BDP1: variants seen among roughly 807,000 people sequenced by gnomAD.
BDP1 encodes transcription factor TFIIIB component B'' homolog.
In BDP1, 169 loss-of-function variants were observed where a neutral mutation model predicts 266.6. That is an observed-to-expected ratio of 0.63 (90% CI 0.56 to 0.72). BDP1 has a LOEUF of 0.72. BDP1 is among the 30% of genes least tolerant of loss of function. BDP1 has a pLI of 0.00. For missense variants in BDP1, 3,015 were observed against 3,053.8 expected (o/e 0.99, Z 0.30); for synonymous variants, 1,090 against 1,022.4 (o/e 1.07, Z -1.26).
intron 16 of BDP1, 87 bp from the exon 17 acceptor site, chr5:71,509,378 T>C: frequency 2.2e-6 from 3 of 1,364,772 alleles, no homozygotes; most frequent in South Asian, 4.0e-5. Context: ...GAGTTTCTGG[T>C]GTTTCTGTAG....
intron 38 of BDP1, chr5:71,562,976 A>G (rs1213708339): frequency 9.3e-7 from 1 of 1,071,762 alleles, no homozygotes; most frequent in Admixed American, 3.4e-5. Flanking sequence ...ATCTTGACAA[A>G]GAGAAGGCTG....
At chr5:71,572,931 T>C in the BDP1 span, among the ~76,000 whole-genome samples, 747 of 152,142 alleles carry the variant, frequency 4.9e-3, 8 homozygotes, top group African/African-American at 0.017. Flanking sequence ...CAGCTCCAGC[T>C]GAAAATAAAA....
At chr5:71,571,639 T>A (rs199942471), downstream of BDP1, among the ~76,000 whole-genome samples, 11 of 151,842 alleles carry the variant, frequency 7.2e-5, no homozygotes, top group African/African-American at 9.7e-5. Flanking sequence ...TAATTAATTA[T>A]TTATTTATTT....
At chr5:71,542,016 A>G (rs1355137911) in intron 29 of BDP1, 89 bp from the exon 30 acceptor site, 1 of 1,053,740 alleles carries the variant, frequency 9.5e-7, no homozygotes, top group Admixed American at 3.0e-5. Flanking sequence ...CTAACAGGTC[A>G]TTCACTCTAT....
rs1048968342 is a variant in BDP1, at chr5:71,529,387, C to G, written c.5773-2921C>G. Among the ~76,000 whole-genome samples, 5 of 151,108 alleles carry G rather than the reference C, an allele frequency of 3.3e-5. No homozygotes were observed. In the South Asian group the frequency reaches 1.0e-3, roughly 32 times the overall value. On this transcript the variant is annotated intron_variant, in intron 25 of 38. Transcript: ENST00000358731. ...CCTGGGCGAAAGAGCGAAGCTCTGT[C>G]TCAAAAAACAAAAGCATTGAAAGGC...
rs1762168083 is a variant in BDP1, at chr5:71,470,405, G to A, written c.930G>A (p.Met310Ile). 1 of 1,593,564 alleles carries A rather than the reference G, an allele frequency of 6.3e-7. No individual in the cohort carries two copies. Among genetic ancestry groups the A allele is most frequent in the African/African-American group, 1.3e-5 (1 of 74,232 alleles). The change falls in exon 7 of 39, where the codon ATG (methionine) becomes ATA (isoleucine). Residue 310 changes from methionine to isoleucine, a missense_variant. By Grantham distance (10) the Met-to-Ile change is conservative. This residue lies in a region of BDP1 where 2,383 missense variants were observed against 2,404.9 expected (regional missense o/e 0.99). Coordinates refer to ENST00000358731, the MANE Select transcript of BDP1 (RefSeq NM_018429.3). Reference protein sequence around the residue: ...SKPWSNKETDMFFLAISMVGT... With the variant: ...SKPWSNKETDIFFLAISMVGT... ...CTTTTATTTTCACAGAAACAGATAT[G>A]TTTTTTTTAGCCATCAGCATGGTAG... is the stretch of plus-strand genomic sequence containing the variant.
chr5:71,544,477 G>A lies in BDP1; in HGVS notation c.6533G>A (p.Ser2178Asn). ...TGTGTACATGGTATCAAAGGGACCAGTATTTCTTCAGAAGTAAACCTAACT... is the reference window on the plus strand; with the variant it reads ...TGTGTACATGGTATCAAAGGGACCAATATTTCTTCAGAAGTAAACCTAACT... ...LACVHGIKGT[S>N]ISSEVNLTER... Residue 2178 changes from serine (S) to asparagine (N), a missense_variant, in exon 31 of 39, where the codon AGT (serine) becomes AAT (asparagine). Physicochemically the swap from Ser to Asn is conservative, Grantham distance 46 (BLOSUM62 1). Around this residue, in one of 3 missense-constraint regions of BDP1, gnomAD observed 629 missense variants for 632.5 expected, o/e 0.99. Coordinates refer to ENST00000358731, the MANE Select transcript of BDP1 (RefSeq NM_018429.3). 3 of 1,613,410 alleles carry A rather than the reference G, an allele frequency of 1.9e-6. No homozygotes were observed. The highest frequency in any genetic ancestry group is 2.5e-6 in the Non-Finnish European group (3 of 1,179,718).
intron 15 of BDP1, among the ~76,000 whole-genome samples, chr5:71,503,983 A>G (rs1764415194): frequency 6.6e-6 from 1 of 151,688 alleles, no homozygotes; most frequent in South Asian, 2.1e-4. Context: ...TTAAAAAAAA[A>G]AAATTCTGAC....
chr5:71,571,869 G>A (rs1744272669), downstream of BDP1, among the ~76,000 whole-genome samples: 1 of 152,134 alleles, frequency 6.6e-6, no homozygotes, highest in Non-Finnish European at 1.5e-5. Context: ...AGGTCCACCT[G>A]CCTCACCCTC....
At chr5:71,476,735 G>A (rs574810308) in intron 7 of BDP1, among the ~76,000 whole-genome samples, 32 of 152,038 alleles carry the variant, frequency 2.1e-4, no homozygotes, top group Admixed American at 1.8e-3. Flanking sequence ...ATGGAGTCTC[G>A]CTCTGTCACC....
At position 71,510,960 on chromosome 5, in the gene BDP1, T is replaced by C. The variant is rs1468654872; in HGVS notation, c.3868T>C (p.Phe1290Leu). 6.2e-7 allele frequency: 1 copy of C among 1,613,944 alleles called. No homozygotes were observed. The highest frequency in any genetic ancestry group is 1.7e-5 in the Admixed American group (1 of 59,986). The change falls in exon 17 of 39, where the codon TTT (phenylalanine) becomes CTT (leucine). Residue 1290 changes from phenylalanine (F) to leucine (L), a missense_variant. This residue lies in a region of BDP1 where 2,383 missense variants were observed against 2,404.9 expected (regional missense o/e 0.99). Transcript: ENST00000358731. ...TTTGAAAGAAACTGGAAAAGAAAATTTTAGAGAGAGAGGATCTGAAGAGAT... is the reference window on the plus strand; with the variant it reads ...TTTGAAAGAAACTGGAAAAGAAAATCTTAGAGAGAGAGGATCTGAAGAGAT... ...ADLKETGKEN[F>L]RERGSEEICV...
Position 71,512,231 on chromosome 5 carries a change from G to C in BDP1, c.4060-10G>C. 1 of 1,394,798 alleles carries C rather than the reference G, an allele frequency of 7.2e-7. No individual in the cohort carries two copies. Among genetic ancestry groups the C allele is most frequent in the Non-Finnish European group, 9.4e-7 (1 of 1,058,934 alleles). 86.4% of individuals were successfully genotyped at this position (1,394,798 alleles called of 1,614,324 possible). A position where few individuals can be genotyped will look rare whatever the true frequency, so the allele number is the denominator to read the frequency against. ...TTATTTGTGCTGATTTACTATGACT[G>C]TTCCTCTAGAACATTAGCAGTGAAG... On this transcript the variant is annotated splice_polypyrimidine_tract_variant and intron_variant, in intron 17 of 38. Transcript: ENST00000358731.
At chr5:71,569,192 T>C (rs1171227992), downstream of BDP1, among the ~76,000 whole-genome samples, 1 of 152,218 alleles carries the variant, frequency 6.6e-6, no homozygotes, top group Non-Finnish European at 1.5e-5. Context: ...GTATCCCTTA[T>C]TGTTAAATCA....
chr5:71,524,110 C>T lies in BDP1; in HGVS notation c.5559C>T (p.Thr1853=). Residue 1853 remains threonine (T), a synonymous_variant, in exon 25 of 39, where the codon ACC becomes ACT. Transcript: ENST00000358731. ...GRGSKRVRGK[T]SKKEPRASKA... is the part of the protein sequence containing the mutation. ...GATCAAAACGAGTTCGGGGTAAGAC[C>T]TCTAAGAAGGAACCTAGAGCTTCCA... 2.5e-6 allele frequency: 4 copies of T among 1,614,168 alleles called. No homozygotes were observed. The highest frequency in any genetic ancestry group is 2.5e-6 in the Non-Finnish European group (3 of 1,180,040).
At chr5:71,562,925 C>T (rs974761776) in intron 38 of BDP1, 8 of 1,255,514 alleles carry the variant, frequency 6.4e-6, no homozygotes, top group Admixed American at 2.7e-5. Flanking sequence ...ACTCTGTAAA[C>T]CTGTATCAAA....
At chr5:71,469,587 A>G (rs1762110818) in intron 6 of BDP1, among the ~76,000 whole-genome samples, 1 of 152,082 alleles carries the variant, frequency 6.6e-6, no homozygotes, top group East Asian at 1.9e-4. Context: ...TGTTTTAAAA[A>G]AAAAATTCCA....
At chr5:71,568,227 G>A (rs1404249828), downstream of BDP1, among the ~76,000 whole-genome samples, 1 of 152,130 alleles carries the variant, frequency 6.6e-6, no homozygotes, top group African/African-American at 2.4e-5. Context: ...TGTCCTAATA[G>A]TATTTGGAAG....
At chr5:71,537,416 C>T (rs1017320132) in intron 26 of BDP1, among the ~76,000 whole-genome samples, 4 of 152,046 alleles carry the variant, frequency 2.6e-5, no homozygotes, top group African/African-American at 9.7e-5. Context: ...GTGGGATTTC[C>T]TTCTTCTTAA....
At chr5:71,467,992 C>T (rs1352264544) in intron 6 of BDP1, among the ~76,000 whole-genome samples, 1 of 152,068 alleles carries the variant, frequency 6.6e-6, no homozygotes, top group African/African-American at 2.4e-5. Flanking sequence ...AGGCGTGTGC[C>T]ACCAAACCCA....
Sources: gnomAD v4.1 joint callset for allele counts (sites outside exome capture counted in the v4.1 genomes callset) on GRCh38, gnomAD v4.1.1 for gene constraint, gnomAD v4.1.1 regional missense constraint, MANE v1.5 for transcripts, NCBI Gene and HGNC (gene_info 2026-07-23, HGNC 2026-07-21) for gene names.